Variants in DIAPH3 observed in about 807,000 individuals in gnomAD.
DIAPH3 encodes protein diaphanous homolog 3.
Under a neutral mutation model 144.3 loss-of-function variants are expected in DIAPH3, and 117 were observed. That is an observed-to-expected ratio of 0.81 (90% CI 0.70 to 0.95). The LOEUF (loss-of-function observed/expected upper bound fraction) is 0.95, where lower values mean the gene tolerates loss of function less well. DIAPH3 is among the 40% of genes least tolerant of loss of function. The probability of loss-of-function intolerance (pLI) is 0.00; values close to 1 mark genes in which losing one functional copy is unlikely to be tolerated. For synonymous variants in DIAPH3, 519 were observed against 488.9 expected (o/e 1.06, Z -0.81); for missense variants, 1,421 against 1,412.7 (o/e 1.01, Z -0.09).
At chr13:59,752,452 C>T (rs961548851) in intron 27 of DIAPH3, among the ~76,000 whole-genome samples, 19 of 151,292 alleles carry the variant, frequency 1.3e-4, no homozygotes, top group African/African-American at 3.9e-4. Flanking sequence ...ACTGCAATCT[C>T]GACCTCCTAG....
intron 25 of DIAPH3, among the ~76,000 whole-genome samples, chr13:59,775,542 C>T (rs1015881276): frequency 2.0e-5 from 3 of 152,096 alleles, no homozygotes; most frequent in South Asian, 2.1e-4. Context: ...GCACACGGCC[C>T]GGGAGAGTGT....
Position 59,983,899 on chromosome 13 carries a change from G to C in DIAPH3, c.1362-12C>G. The C allele has an allele frequency of 1.3e-6, 2 of 1,522,580 alleles. No individual in the cohort carries two copies. The highest frequency in any genetic ancestry group is 1.8e-6 in the Non-Finnish European group (2 of 1,098,676). 94.3% of individuals were successfully genotyped at this position (1,522,580 alleles called of 1,614,324 possible). On this transcript the variant is annotated splice_polypyrimidine_tract_variant and intron_variant, in intron 12 of 27. Transcript: ENST00000400324. ...TGAAGTATTGTTGCCTAAAACCAAA[G>C]AAAAGAGTAAATGTACAATTGATAA...
intron 18 of DIAPH3, among the ~76,000 whole-genome samples, chr13:59,920,240 A>G (rs1417515071): frequency 6.6e-6 from 1 of 151,938 alleles, no homozygotes; most frequent in African/African-American, 2.4e-5. Context: ...GAATTCTCAA[A>G]TTAAAAGACA....
intron 20 of DIAPH3, among the ~76,000 whole-genome samples, chr13:59,891,059 C>G (rs1387535300): frequency 6.6e-6 from 1 of 151,882 alleles, no homozygotes; most frequent in Non-Finnish European, 1.5e-5. Context: ...ATAAGTCCAG[C>G]CTCCTCTTTT....
At chr13:59,920,996 G>A (rs931155792) in intron 18 of DIAPH3, among the ~76,000 whole-genome samples, 1 of 151,256 alleles carries the variant, frequency 6.6e-6, no homozygotes. Flanking sequence ...ATAACCAATG[G>A]GTCAATGAAG....
intron 4 of DIAPH3, among the ~76,000 whole-genome samples, chr13:60,065,679 G>A (rs1189633837): frequency 6.6e-6 from 1 of 152,144 alleles, no homozygotes; most frequent in Non-Finnish European, 1.5e-5. Flanking sequence ...CATTTCTGGA[G>A]TTGATCTTTA....
intron 25 of DIAPH3, among the ~76,000 whole-genome samples, chr13:59,777,925 C>T (rs1301727603): frequency 2.0e-5 from 3 of 152,082 alleles, no homozygotes; most frequent in Admixed American, 1.3e-4. Context: ...TTATATATGA[C>T]GTTATTGGGA....
chr13:59,741,703 C>CAAAAA (rs756556231), intron 27 of DIAPH3, among the ~76,000 whole-genome samples: 995 of 93,524 alleles, frequency 0.011, 12 homozygotes, highest in African/African-American at 0.04. Flanking sequence ...GGCAACAAAG[C>CAAAAA]AAAAAAAAAA....
chr13:59,884,767 T>C, intron 20 of DIAPH3, among the ~76,000 whole-genome samples: 1 of 119,868 alleles, frequency 8.3e-6, no homozygotes, highest in Non-Finnish European at 1.8e-5. Flanking sequence ...TTCATTTCAC[T>C]TGGAGAAAGG....
chr13:59,811,779 C>A (rs1359290010), intron 24 of DIAPH3, among the ~76,000 whole-genome samples: 3 of 150,586 alleles, frequency 2.0e-5, no homozygotes, highest in Non-Finnish European at 3.0e-5. Context: ...CATTTCAAAG[C>A]CAGGTCCTCT....
intron 21 of DIAPH3, among the ~76,000 whole-genome samples, chr13:59,864,024 T>G (rs1328934356): frequency 1.3e-5 from 2 of 152,012 alleles, no homozygotes; most frequent in Non-Finnish European, 2.9e-5. Flanking sequence ...GAACTAAGAG[T>G]TAGTAGACAC....
intron 17 of DIAPH3, among the ~76,000 whole-genome samples, chr13:59,938,559 A>G (rs1443949628): frequency 9.9e-5 from 15 of 152,062 alleles, no homozygotes; most frequent in Non-Finnish European, 1.0e-4. Context: ...CAGTGAGCTA[A>G]GATCATGCCA....
intron 23 of DIAPH3, chr13:59,839,098 A>T (rs2042197896): frequency 2.6e-6 from 1 of 391,180 alleles, no homozygotes; most frequent in East Asian, 5.9e-5. Flanking sequence ...GTTTCAAAAA[A>T]TAAATAAATA....
chr13:60,102,978 C>G (rs886419943), intron 3 of DIAPH3, among the ~76,000 whole-genome samples: 3 of 152,196 alleles, frequency 2.0e-5, no homozygotes, highest in Admixed American at 6.5e-5. Flanking sequence ...CCAGGTCAAT[C>G]AAGCAACTTT....
intron 2 of DIAPH3, among the ~76,000 whole-genome samples, chr13:60,114,051 T>C (rs2058638462): frequency 6.6e-6 from 1 of 152,168 alleles, no homozygotes; most frequent in African/African-American, 2.4e-5. Context: ...CCATGACACA[T>C]TCTGGACTTT....
intron 17 of DIAPH3, among the ~76,000 whole-genome samples, chr13:59,960,380 G>C (rs1023785943): frequency 1.3e-5 from 2 of 152,104 alleles, no homozygotes; most frequent in Non-Finnish European, 2.9e-5. Context: ...ATTTCTATTA[G>C]CTTGCACCAC....
intron 22 of DIAPH3, among the ~76,000 whole-genome samples, chr13:59,855,938 A>G (rs1257289826): frequency 6.6e-6 from 1 of 152,018 alleles, no homozygotes; most frequent in Non-Finnish European, 1.5e-5. Context: ...TAAAAGAAAA[A>G]GACAAAACAA....
chr13:59,901,669 G>A (rs936935918), intron 20 of DIAPH3, among the ~76,000 whole-genome samples: 2 of 152,212 alleles, frequency 1.3e-5, no homozygotes, highest in East Asian at 3.8e-4. Flanking sequence ...CACACAGTAG[G>A]TGTTCAATAA....
chr13:59,940,387 G>T (rs535168199), intron 17 of DIAPH3, among the ~76,000 whole-genome samples: 2 of 152,236 alleles, frequency 1.3e-5, no homozygotes, highest in South Asian at 4.1e-4. Flanking sequence ...TCATGAAAAT[G>T]TCAGAAAGTA....
Sources: gnomAD v4.1 joint callset for allele counts (sites outside exome capture counted in the v4.1 genomes callset) on GRCh38, gnomAD v4.1.1 for gene constraint, MANE v1.5 for transcripts, NCBI Gene and HGNC (gene_info 2026-07-23, HGNC 2026-07-21) for gene names.